PUDP: variants seen among roughly 807,000 people sequenced by gnomAD.
PUDP encodes the protein pseudouridine 5'-phosphatase.
A neutral mutation model predicts 9.4 loss-of-function variants in PUDP; 8 were observed. That is an observed-to-expected ratio of 0.85 (90% CI 0.50 to 1.53). The LOEUF is 1.53. Among genes scored for constraint, PUDP ranks in the 40% most tolerant of loss-of-function variants. The pLI is 0.00. For synonymous variants in PUDP, 99 were observed against 80.7 expected (o/e 1.23, Z -1.22); for missense variants, 188 against 189.7 (o/e 0.99, Z 0.05).
intron 3 of PUDP, among the ~76,000 whole-genome samples, chrX:6,937,382 A>G (rs1317943581): frequency 1.8e-5 from 2 of 108,966 alleles, no homozygotes; most frequent in Non-Finnish European, 3.8e-5. Flanking sequence ...GCAATGGGGA[A>G]AGGATTCCCT....
intron 3 of PUDP, among the ~76,000 whole-genome samples, chrX:6,755,107 A>G (rs898532234): frequency 1.8e-5 from 2 of 111,709 alleles, no homozygotes; most frequent in South Asian, 7.6e-4. Context: ...GAGAAGCTTC[A>G]TTCAGGCATG....
intron 1 of PUDP, among the ~76,000 whole-genome samples, chrX:7,034,942 C>T (rs1338498007): frequency 8.9e-6 from 1 of 112,091 alleles, no homozygotes; most frequent in Non-Finnish European, 1.9e-5. Flanking sequence ...TTAGGGGATA[C>T]ATTCTTTTTT....
chrX:6,796,696 GAGAAAGAGAA>G (rs905568689), intron 3 of PUDP, among the ~76,000 whole-genome samples: 2 of 112,014 alleles, frequency 1.8e-5, no homozygotes, highest in Non-Finnish European at 3.8e-5. Flanking sequence ...CAATAAGAGA[GAGAAAGAGAA>G]AGAAAGAGAA....
chrX:6,841,989 T>C (rs528694950), intron 3 of PUDP, among the ~76,000 whole-genome samples: 1 of 111,530 alleles, frequency 9.0e-6, no homozygotes, highest in South Asian at 3.8e-4. Flanking sequence ...TGCTGTTGCA[T>C]GTGTGTGCTG....
At chrX:6,760,624 C>T (rs1443886884) in intron 3 of PUDP, among the ~76,000 whole-genome samples, 2 of 111,964 alleles carry the variant, frequency 1.8e-5, no homozygotes, top group Admixed American at 9.5e-5. Context: ...AGCCACACGT[C>T]GAAAATCAGT....
chrX:7,077,503 CCTT>C (rs1326436207), intron 2 of PUDP, 54 bp from the exon 3 acceptor site: 1 of 958,511 alleles, frequency 1.0e-6, no homozygotes. Context: ...CACCATAAGA[CCTT>C]CTTGCAGGGA....
At chrX:7,133,935 A>T (rs1282672995) in intron 1 of PUDP, among the ~76,000 whole-genome samples, 1 of 112,232 alleles carries the variant, frequency 8.9e-6, no homozygotes, top group Admixed American at 9.5e-5. Flanking sequence ...ACATGTGCAG[A>T]TGGTTACATC....
At chrX:6,764,753 T>C (rs1452565589) in intron 3 of PUDP, among the ~76,000 whole-genome samples, 1 of 111,748 alleles carries the variant, frequency 8.9e-6, no homozygotes, top group Non-Finnish European at 1.9e-5. Context: ...GAATCTGTTT[T>C]GTGGCTAAAA....
chrX:6,754,564 A>G (rs976787649), intron 3 of PUDP, among the ~76,000 whole-genome samples: 1 of 109,677 alleles, frequency 9.1e-6, no homozygotes, highest in Non-Finnish European at 1.9e-5. Context: ...TACCACATAT[A>G]AAATCACAGA....
At chrX:7,002,078 A>G (rs755151678) in intron 1 of PUDP, among the ~76,000 whole-genome samples, 71 of 111,500 alleles carry the variant, frequency 6.4e-4, no homozygotes, top group Non-Finnish European at 1.1e-3. Flanking sequence ...CTCAGTCTCT[A>G]GACTACATTT....
At chrX:6,718,967 T>C (rs1337896265) in intron 1 of PUDP, among the ~76,000 whole-genome samples, 3 of 110,563 alleles carry the variant, frequency 2.7e-5, no homozygotes, top group Non-Finnish European at 5.7e-5. Context: ...TGCCAACAAC[T>C]TGCAGAAGCA....
chrX:6,728,011 G>C lies in PUDP; in HGVS notation c.*248-21545C>G, dbSNP rs752699090. Among the ~76,000 whole-genome samples, 8 of 111,710 alleles carry C rather than the reference G, an allele frequency of 7.2e-5. No individual in the cohort carries two copies. The Admixed American group carries it at 7.6e-4, about 11-fold the overall frequency. On this transcript the variant is annotated intron_variant and NMD_transcript_variant, in intron 3 of 3. Transcript: ENST00000655425. ...ATGCTGCTAATAAAGACATACCTGAGACTGGGGAATTTATAAAGAAAAAGA... is the reference window on the plus strand; with the variant it reads ...ATGCTGCTAATAAAGACATACCTGACACTGGGGAATTTATAAAGAAAAAGA...
At chrX:6,862,945 A>C (rs1050269366) in intron 3 of PUDP, among the ~76,000 whole-genome samples, 5 of 112,120 alleles carry the variant, frequency 4.5e-5, no homozygotes, top group African/African-American at 1.6e-4. Flanking sequence ...CCGTAACCTC[A>C]TTTTAAAAAG....
At chrX:6,802,891 AATAAC>A (rs200788546) in intron 3 of PUDP, among the ~76,000 whole-genome samples, 2 of 16,597 alleles carry the variant, frequency 1.2e-4, no homozygotes, top group African/African-American at 1.9e-4. Flanking sequence ...TTGTCTCAAA[AATAAC>A]ATAACATAAC....
intron 1 of PUDP, among the ~76,000 whole-genome samples, chrX:6,996,518 A>G (rs1004269792): frequency 3.7e-5 from 4 of 109,097 alleles, no homozygotes; most frequent in Admixed American, 1.0e-4. Context: ...ACCCAAATTC[A>G]TTGGAATAAA....
chrX:6,897,306 A>G (rs1302973329), intron 3 of PUDP, among the ~76,000 whole-genome samples: 3 of 112,298 alleles, frequency 2.7e-5, no homozygotes, highest in Admixed American at 1.9e-4. Context: ...TAAAATTATA[A>G]TATACTTGTG....
At chrX:6,833,274 AATGGATGGATGGG>A (rs1287502506) in intron 3 of PUDP, among the ~76,000 whole-genome samples, 3 of 111,957 alleles carry the variant, frequency 2.7e-5, no homozygotes, top group Admixed American at 1.9e-4. Flanking sequence ...AGAAAGGATG[AATGGATGGATGGG>A]ATGGATGGAT....
chrX:6,920,420 T>G (rs1264875781), intron 3 of PUDP, among the ~76,000 whole-genome samples: 1 of 111,271 alleles, frequency 9.0e-6, no homozygotes, highest in East Asian at 2.8e-4. Context: ...CATCCTCAAC[T>G]CTTCTGTGCA....
chrX:7,082,462 G>T (rs957212873), intron 2 of PUDP, among the ~76,000 whole-genome samples: 1 of 112,134 alleles, frequency 8.9e-6, no homozygotes, highest in Non-Finnish European at 1.9e-5. Context: ...AGAATCAAGT[G>T]GGGGGTACCG....
Sources: gnomAD v4.1 joint callset for allele counts (sites outside exome capture counted in the v4.1 genomes callset) on GRCh38, gnomAD v4.1.1 for gene constraint, MANE v1.5 for transcripts, NCBI Gene and HGNC (gene_info 2026-07-23, HGNC 2026-07-21) for gene names.